The following MARCHF1 variants were observed in gnomAD, a reference collection of about 807,000 sequenced individuals.
MARCHF1 encodes the protein membrane associated ring-CH-type finger 1.
In MARCHF1, 40 loss-of-function variants were observed where a neutral mutation model predicts 54.2. That is an observed-to-expected ratio of 0.74 (90% CI 0.57 to 0.96). The LOEUF (loss-of-function observed/expected upper bound fraction) is 0.96. Among genes scored for constraint, MARCHF1 ranks in the 40% least tolerant of loss-of-function variants. The pLI is 0.00. For missense variants in MARCHF1, 586 were observed against 656.5 expected, an observed-to-expected ratio of 0.89 and a Z score of 1.17; for synonymous variants, 236 against 236.3, an observed-to-expected ratio of 1.00 and a Z score of 0.01.
chr4:164,154,865 A>T (rs1230871093), intron 1 of MARCHF1, among the ~76,000 whole-genome samples: 4 of 152,138 alleles, frequency 2.6e-5, no homozygotes, highest in African/African-American at 9.7e-5. Context: ...TCACACACGG[A>T]CTTGAAGGAT....
At chr4:164,152,147 T>A (rs940979749) in intron 1 of MARCHF1, among the ~76,000 whole-genome samples, 15 of 152,176 alleles carry the variant, frequency 9.9e-5, no homozygotes, top group Non-Finnish European at 2.2e-4. Context: ...AATAAACATG[T>A]ACCTACATAT....
intron 8 of MARCHF1, among the ~76,000 whole-genome samples, chr4:163,560,223 T>A (rs1739424807): frequency 6.6e-6 from 1 of 152,228 alleles, no homozygotes; most frequent in Non-Finnish European, 1.5e-5. Flanking sequence ...ATTTATAGGA[T>A]ACATTTTGAG....
At chr4:164,158,189 G>A (rs1203193374) in intron 1 of MARCHF1, among the ~76,000 whole-genome samples, 4 of 152,104 alleles carry the variant, frequency 2.6e-5, no homozygotes, top group South Asian at 2.1e-4. Context: ...GTTTTAATTA[G>A]CTAAAAAAGA....
chr4:163,865,346 TAA>T lies in MARCHF1; in HGVS notation c.-38-11179_-38-11178del, dbSNP rs1466652093. 6.6e-5 allele frequency among the ~76,000 whole-genome samples: 10 copies of T among 151,956 alleles called. No individual in the cohort carries two copies. In the South Asian group the frequency reaches 1.7e-3, roughly 25 times the overall value. ...TTAGCAAGGATACTTGACACAACAG[TAA>T]GTTTATTTTTTCACATAGATTTATT... On this transcript the variant is annotated intron_variant, in intron 3 of 9. Coordinates refer to ENST00000514618, the MANE Select transcript of MARCHF1 (RefSeq NM_001394959.1).
chr4:163,613,042 G>A lies in MARCHF1; in HGVS notation c.243-4C>T. ...CATGTCATGCAAGATGGCAGATCTAGACAGAGCAGCAGGCAAAGGATGGGA... is the reference window on the plus strand; with the variant it reads ...CATGTCATGCAAGATGGCAGATCTAAACAGAGCAGCAGGCAAAGGATGGGA... On this transcript the variant is annotated splice_region_variant and splice_polypyrimidine_tract_variant and intron_variant, in intron 6 of 9. Transcript: ENST00000514618. 6.8e-7 allele frequency: 1 copy of A among 1,477,624 alleles called. No individual in the cohort carries two copies. 91.5% of individuals were successfully genotyped at this position (1,477,624 alleles called of 1,614,324 possible).
intron 4 of MARCHF1, among the ~76,000 whole-genome samples, chr4:163,773,153 C>G (rs1038107131): frequency 2.6e-5 from 4 of 152,108 alleles, no homozygotes; most frequent in African/African-American, 9.7e-5. Flanking sequence ...AGGAGACAGG[C>G]TGTGCCTCAG....
rs1368354935 is a variant in MARCHF1, at chr4:163,717,678, C to T, written c.112-16815G>A. On this transcript the variant is annotated intron_variant, in intron 4 of 9. Transcript: ENST00000514618. Reference sequence around the variant, plus strand: ...CACCTGTTGTTTCCTGACTTTTTAACGACCGCCATTCTAACTGGTGTGAGA... The same window carrying T: ...CACCTGTTGTTTCCTGACTTTTTAATGACCGCCATTCTAACTGGTGTGAGA... Among the ~76,000 whole-genome samples, 13 of 152,116 alleles carry T rather than the reference C, an allele frequency of 8.5e-5. 1 individual carries two copies. Among genetic ancestry groups the T allele is most frequent in the South Asian group, 4.1e-4 (2 of 4,830 alleles).
intron 1 of MARCHF1, chr4:164,235,055 C>A (rs1405391813): frequency 1.3e-5 from 2 of 152,094 alleles, no homozygotes; most frequent in African/African-American, 4.8e-5. Flanking sequence ...TCCTTTACAT[C>A]TCTTTCTCCT....
intron 3 of MARCHF1, among the ~76,000 whole-genome samples, chr4:163,903,580 T>C (rs539511336): frequency 2.0e-5 from 3 of 151,690 alleles, no homozygotes; most frequent in East Asian, 1.9e-4. Flanking sequence ...TTTTTTATTC[T>C]CCATAAATTT....
At chr4:164,205,961 C>T (rs1560953570) in intron 1 of MARCHF1, among the ~76,000 whole-genome samples, 2 of 152,162 alleles carry the variant, frequency 1.3e-5, no homozygotes, top group African/African-American at 2.4e-5. Context: ...TAATAATAGG[C>T]TCAGCTTTAA....
intron 3 of MARCHF1, among the ~76,000 whole-genome samples, chr4:163,909,324 C>T (rs1751140774): frequency 6.6e-6 from 1 of 152,154 alleles, no homozygotes; most frequent in Non-Finnish European, 1.5e-5. Context: ...ATTTCAGAAG[C>T]TTACCATTGT....
chr4:164,233,041 A>G (rs772513379), intron 1 of MARCHF1, among the ~76,000 whole-genome samples: 33 of 152,180 alleles, frequency 2.2e-4, no homozygotes, highest in Non-Finnish European at 4.3e-4. Flanking sequence ...GCTCTGTTTT[A>G]GAAGTAATTT....
rs201015469 is a variant in MARCHF1 at position 163,670,388 on chromosome 4, G to A, written c.162+30425C>T. The stretch of plus-strand genomic sequence containing the variant: ...TATCTATCTATCTATCTATCTGTCT[G>A]TCTATCTATCTATCTATCTATCTAT... On this transcript the variant is annotated intron_variant, in intron 5 of 9. Transcript: ENST00000514618. 6.5e-3 allele frequency among the ~76,000 whole-genome samples: 973 copies of A among 150,076 alleles called. 1 individual carries two copies. Among genetic ancestry groups the A allele is most frequent in the Middle Eastern group, 0.014 (4 of 292 alleles).
At chr4:164,270,951 A>G (rs1170654547) in intron 1 of MARCHF1, among the ~76,000 whole-genome samples, 1 of 152,190 alleles carries the variant, frequency 6.6e-6, no homozygotes, top group Non-Finnish European at 1.5e-5. Context: ...GAAATCTTAA[A>G]ACATGTTATT....
chr4:164,107,679 A>G (rs1179690583), intron 2 of MARCHF1, among the ~76,000 whole-genome samples: 1 of 152,088 alleles, frequency 6.6e-6, no homozygotes, highest in East Asian at 1.9e-4. Context: ...ATTAATTTCT[A>G]TTTCTCTCAA....
At chr4:164,326,055 C>A (rs757616055) in intron 1 of MARCHF1, among the ~76,000 whole-genome samples, 1 of 151,978 alleles carries the variant, frequency 6.6e-6, no homozygotes, top group Non-Finnish European at 1.5e-5. Flanking sequence ...CTAAAATATT[C>A]TTTATATTTT....
intron 1 of MARCHF1, among the ~76,000 whole-genome samples, chr4:164,148,812 A>AT (rs397996079): frequency 2.0e-5 from 3 of 150,964 alleles, no homozygotes; most frequent in African/African-American, 7.3e-5. Context: ...TCTGCCTTCA[A>AT]CCACCCATAA....
At chr4:164,056,030 GA>G (rs766289218) in intron 2 of MARCHF1, among the ~76,000 whole-genome samples, 11 of 151,984 alleles carry the variant, frequency 7.2e-5, no homozygotes, top group Non-Finnish European at 1.6e-4. Context: ...ATTTGCAGTA[GA>G]AAAAAAAGTC....
chr4:163,625,552 T>C (rs1741839320), intron 5 of MARCHF1, among the ~76,000 whole-genome samples: 1 of 152,330 alleles, frequency 6.6e-6, no homozygotes, highest in African/African-American at 2.4e-5. Flanking sequence ...GTAAATCCTA[T>C]GCTGATTGCA....
Sources: gnomAD v4.1 joint callset for allele counts (sites outside exome capture counted in the v4.1 genomes callset) on GRCh38, gnomAD v4.1.1 for gene constraint, MANE v1.5 for transcripts, NCBI Gene and HGNC (gene_info 2026-07-23, HGNC 2026-07-21) for gene names.